ASTN2: variants seen among roughly 807,000 people sequenced by gnomAD.
The protein encoded by ASTN2 is astrotactin 2, also known as astrotactin-2.
A neutral mutation model predicts 139.8 loss-of-function variants in ASTN2; 54 were observed. The observed-to-expected ratio is 0.39, with a 90% CI of 0.31 to 0.48. The LOEUF is 0.48. ASTN2 is among the 20% of genes least tolerant of loss of function. The pLI, the probability that ASTN2 is intolerant of heterozygous loss-of-function variation, is 0.95. For synonymous variants in ASTN2, 756 were observed against 719.5 expected, an observed-to-expected ratio of 1.05 and a Z score of -0.81; for missense variants, 1,565 against 1,725.1, an observed-to-expected ratio of 0.91 and a Z score of 1.64.
chr9:116,864,894 G>C (rs1032216805), intron 10 of ASTN2, among the ~76,000 whole-genome samples: 2 of 152,122 alleles, frequency 1.3e-5, no homozygotes, highest in African/African-American at 4.8e-5. Flanking sequence ...CATACTGACT[G>C]TCAGTGAACT....
chr9:117,243,956 C>T (rs1174063907), intron 2 of ASTN2, among the ~76,000 whole-genome samples: 2 of 152,150 alleles, frequency 1.3e-5, no homozygotes, highest in Non-Finnish European at 2.9e-5. Flanking sequence ...CTAATCCCCA[C>T]ATGTCTAGGG....
At chr9:117,188,308 C>T (rs968151553) in intron 3 of ASTN2, among the ~76,000 whole-genome samples, 3 of 152,102 alleles carry the variant, frequency 2.0e-5, no homozygotes, top group African/African-American at 7.2e-5. Context: ...GAATCTGACC[C>T]ATATCCCCTA....
intron 16 of ASTN2, among the ~76,000 whole-genome samples, chr9:116,694,330 A>C (rs765931929): frequency 3.3e-5 from 5 of 152,112 alleles, no homozygotes; most frequent in Non-Finnish European, 7.3e-5. Flanking sequence ...GTCCCTGTGC[A>C]TTGTAAGGTA....
At chr9:117,395,928 CT>C (rs1288302462) in intron 1 of ASTN2, among the ~76,000 whole-genome samples, 1 of 152,196 alleles carries the variant, frequency 6.6e-6, no homozygotes, top group African/African-American at 2.4e-5. Flanking sequence ...CATTCCTGGT[CT>C]TTGGGAAGTC....
chr9:117,127,672 GTTTTTT>G (rs11427891), intron 4 of ASTN2, among the ~76,000 whole-genome samples: 11 of 70,890 alleles, frequency 1.6e-4, no homozygotes, highest in African/African-American at 5.9e-4. Context: ...TTTTGTTTTG[GTTTTTT>G]TTTTTTTTTT....
intron 13 of ASTN2, among the ~76,000 whole-genome samples, chr9:116,743,423 C>T (rs912252511): frequency 3.1e-4 from 47 of 152,214 alleles, no homozygotes; most frequent in Non-Finnish European, 4.1e-4. Flanking sequence ...TGGTGGCGGA[C>T]GCCTGTAGTC....
chr9:116,629,205 C>T (rs767151301), intron 17 of ASTN2, among the ~76,000 whole-genome samples: 51 of 151,104 alleles, frequency 3.4e-4, no homozygotes, highest in Non-Finnish European at 6.5e-4. Flanking sequence ...GCAAACTCCA[C>T]CTCCCGGGTT....
chr9:117,130,443 C>T (rs1829800506), intron 4 of ASTN2, among the ~76,000 whole-genome samples: 1 of 152,144 alleles, frequency 6.6e-6, no homozygotes, highest in Non-Finnish European at 1.5e-5. Flanking sequence ...GGCTTTCTCT[C>T]TACTTGTATC....
chr9:116,609,326 C>CTATATATA (rs549657082), intron 19 of ASTN2, among the ~76,000 whole-genome samples: 38 of 113,608 alleles, frequency 3.3e-4, no homozygotes, highest in African/African-American at 9.0e-4. Flanking sequence ...CTCTCTCTCT[C>CTATATATA]TCTATATATA....
At chr9:117,143,938 G>C (rs1423705073) in intron 3 of ASTN2, among the ~76,000 whole-genome samples, 1 of 152,086 alleles carries the variant, frequency 6.6e-6, no homozygotes, top group Non-Finnish European at 1.5e-5. Context: ...GACACAGTCA[G>C]CCACGGATTG....
chr9:116,498,653 C>A lies in ASTN2; in HGVS notation c.3356-11153G>T, dbSNP rs550968537. Among the ~76,000 whole-genome samples the A allele has an allele frequency of 2.6e-5, 4 of 151,388 alleles. No homozygotes were observed. In the East Asian group the frequency reaches 5.8e-4, roughly 22 times the overall value. On this transcript the variant is annotated intron_variant, in intron 19 of 22. Transcript: ENST00000313400. The stretch of plus-strand genomic sequence containing the variant: ...CTCTACAAGAAAGTGAAGAAGAGTA[C>A]ATTAAATCCATTAAAGGATTTATAA...
intron 1 of ASTN2, among the ~76,000 whole-genome samples, chr9:117,317,283 G>A (rs1417016363): frequency 6.6e-6 from 1 of 152,108 alleles, no homozygotes; most frequent in Non-Finnish European, 1.5e-5. Context: ...CAATGCCTCT[G>A]CCTCCTTCCG....
intron 3 of ASTN2, among the ~76,000 whole-genome samples, chr9:117,162,343 C>G (rs1830573344): frequency 6.6e-6 from 1 of 151,910 alleles, no homozygotes; most frequent in Non-Finnish European, 1.5e-5. Context: ...TGGTCCCTGG[C>G]CAGTGATCTG....
intron 4 of ASTN2, among the ~76,000 whole-genome samples, chr9:117,120,478 G>A (rs1192857888): frequency 6.6e-6 from 1 of 152,232 alleles, no homozygotes; most frequent in East Asian, 1.9e-4. Context: ...AGAGGAAGAG[G>A]AACATCCAGA....
intron 2 of ASTN2, among the ~76,000 whole-genome samples, chr9:117,268,624 C>T (rs978141166): frequency 7.2e-5 from 11 of 152,188 alleles, no homozygotes; most frequent in Admixed American, 3.9e-4. Flanking sequence ...AGATTAAGTG[C>T]TTAACACAAG....
intron 1 of ASTN2, among the ~76,000 whole-genome samples, chr9:117,316,711 G>A (rs775058747): frequency 1.3e-5 from 2 of 152,160 alleles, no homozygotes; most frequent in Non-Finnish European, 2.9e-5. Context: ...GCACAATGCT[G>A]GGCCTCCCCA....
chr9:116,721,270 T>C (rs1828466435), intron 16 of ASTN2, among the ~76,000 whole-genome samples: 1 of 152,228 alleles, frequency 6.6e-6, no homozygotes, highest in African/African-American at 2.4e-5. Flanking sequence ...TGAATTGAGA[T>C]CCATCTGATT....
intron 16 of ASTN2, among the ~76,000 whole-genome samples, chr9:116,720,568 C>T (rs1828443856): frequency 6.6e-6 from 1 of 151,444 alleles, no homozygotes; most frequent in South Asian, 2.1e-4. Flanking sequence ...TTTTCTCTCT[C>T]TCTCTCTCTC....
intron 19 of ASTN2, among the ~76,000 whole-genome samples, chr9:116,531,356 C>T (rs1406489948): frequency 6.6e-6 from 1 of 152,112 alleles, no homozygotes; most frequent in Non-Finnish European, 1.5e-5. Context: ...AGGCCCTCTG[C>T]TTACTGATGT....
Sources: gnomAD v4.1 joint callset for allele counts (sites outside exome capture counted in the v4.1 genomes callset) on GRCh38, gnomAD v4.1.1 for gene constraint, MANE v1.5 for transcripts, NCBI Gene and HGNC (gene_info 2026-07-23, HGNC 2026-07-21) for gene names.